Variants in PPME1 observed in about 807,000 individuals in gnomAD.
The protein encoded by PPME1 is protein phosphatase methylesterase 1, also known as testicular secretory protein Li 39.
In PPME1, 17 loss-of-function variants were observed where a neutral mutation model predicts 56.9. The observed-to-expected ratio is 0.30, with a 90% confidence interval of 0.20 to 0.45. The LOEUF (loss-of-function observed/expected upper bound fraction) is 0.45. PPME1 is among the 20% of genes least tolerant of loss of function. The pLI, the probability that PPME1 is intolerant of heterozygous loss-of-function variation, is 1.00. For missense variants in PPME1, 357 were observed against 483.2 expected (o/e 0.74, Z 2.45); for synonymous variants, 122 against 156.2 (o/e 0.78, Z 1.63).
chr11:74,203,428 G>T lies in PPME1; in HGVS notation c.102-300G>T, dbSNP rs138622667. ...CAGGTTTTGTGTGTATATGAACACA[G>T]AATTTATTTGTGATTAAAATATACT... On this transcript the variant is annotated intron_variant, in intron 1 of 13. Coordinates refer to ENST00000328257, the MANE Select transcript of PPME1 (RefSeq NM_016147.3). 2.0e-5 allele frequency among the ~76,000 whole-genome samples: 3 copies of T among 152,204 alleles called. No individual in the cohort carries two copies. The South Asian group carries it at 6.2e-4, about 32-fold the overall frequency.
chr11:74,185,650 CTTT>C (rs765518776), intron 1 of PPME1, among the ~76,000 whole-genome samples: 3 of 123,728 alleles, frequency 2.4e-5, no homozygotes, highest in African/African-American at 2.8e-5. Context: ...GTCATTATAT[CTTT>C]TTTTTTTTTT....
At chr11:74,195,118 C>T (rs1857946373) in intron 1 of PPME1, among the ~76,000 whole-genome samples, 1 of 152,132 alleles carries the variant, frequency 6.6e-6, no homozygotes, top group Non-Finnish European at 1.5e-5. Flanking sequence ...AATACTCATA[C>T]AGAAAAGTAA....
chr11:74,211,466 A>T (rs1223517109), intron 3 of PPME1, among the ~76,000 whole-genome samples: 3 of 152,224 alleles, frequency 2.0e-5, no homozygotes, highest in African/African-American at 7.2e-5. Flanking sequence ...AAAGGAATTT[A>T]ATACACAATG....
intron 12 of PPME1, chr11:74,251,444 A>G (rs78085477): frequency 0.017 from 23,569 of 1,417,708 alleles, 491 homozygotes; most frequent in African/African-American, 0.1. Context: ...CTTGAGCTCT[A>G]TGGAGCTATC....
chr11:74,204,470 G>A (rs1858272062), intron 3 of PPME1, 25 bp downstream of exon 3: 2 of 1,551,782 alleles, frequency 1.3e-6, no homozygotes, highest in Admixed American at 3.4e-5. Flanking sequence ...GATAGTACAA[G>A]TTAATGTTAG....
chr11:74,186,318 A>G (rs1249649035), intron 1 of PPME1, among the ~76,000 whole-genome samples: 1 of 152,136 alleles, frequency 6.6e-6, no homozygotes, highest in Non-Finnish European at 1.5e-5. Flanking sequence ...TCTTCTCCCA[A>G]TCATTACTAT....
At chr11:74,231,927 T>C (rs895293429) in intron 7 of PPME1, among the ~76,000 whole-genome samples, 7 of 152,248 alleles carry the variant, frequency 4.6e-5, no homozygotes, top group African/African-American at 1.7e-4. Flanking sequence ...TGATAAAGTA[T>C]TTATTAAACA....
At chr11:74,211,649 C>T (rs79717950) in intron 3 of PPME1, among the ~76,000 whole-genome samples, 7,215 of 151,840 alleles carry the variant, frequency 0.048, 264 homozygotes, top group African/African-American at 0.1. Context: ...GACAAAATAC[C>T]GTAAAGTTAA....
chr11:74,235,946 A>G lies in PPME1; in HGVS notation c.690A>G (p.Ser230=). The change falls in exon 8 of 14, where the codon TCA becomes TCG. Residue 230 remains serine, a synonymous_variant. Coordinates refer to ENST00000328257, the MANE Select transcript of PPME1 (RefSeq NM_016147.3). ...QIRNLESARV[S]MVGQVKQCEG... The stretch of plus-strand genomic sequence containing the variant: ...GAAATCTGGAGTCTGCCCGTGTCTC[A>G]ATGGTTGGCCAAGTCAAACAGTAGG... The G allele has an allele frequency of 1.2e-6, 2 of 1,612,790 alleles. No individual in the cohort carries two copies. Among genetic ancestry groups the G allele is most frequent in the Non-Finnish European group, 1.7e-6 (2 of 1,179,490 alleles).
chr11:74,225,678 C>G (rs1858916576), intron 5 of PPME1, among the ~76,000 whole-genome samples: 1 of 152,104 alleles, frequency 6.6e-6, no homozygotes, highest in Non-Finnish European at 1.5e-5. Context: ...AAGATGAGAT[C>G]ATGATATTAA....
Position 74,204,346 on chromosome 11 carries a change from T to G in PPME1, c.196-7T>G. The stretch of plus-strand genomic sequence containing the variant: ...AACATAGATGTTTTATCTTTAACTA[T>G]TCATACACTTTTCGAGTCTACAAGA... On this transcript the variant is annotated splice_region_variant and splice_polypyrimidine_tract_variant and intron_variant, in intron 2 of 13. Coordinates refer to ENST00000328257, the MANE Select transcript of PPME1 (RefSeq NM_016147.3). 6.2e-7 allele frequency: 1 copy of G among 1,601,346 alleles called. No individual in the cohort carries two copies. Among genetic ancestry groups the G allele is most frequent in the Non-Finnish European group, 8.6e-7 (1 of 1,169,176 alleles).
In PPME1 at chr11:74,175,488, C is replaced by T. The variant is rs569887556; in HGVS notation, c.101+3966C>T. Among the ~76,000 whole-genome samples the T allele has an allele frequency of 4.0e-5, 6 of 151,364 alleles. No homozygotes were observed. In the East Asian group the frequency reaches 5.8e-4, roughly 15 times the overall value. On this transcript the variant is annotated intron_variant, in intron 1 of 13. Transcript: ENST00000328257. The stretch of plus-strand genomic sequence containing the variant: ...TGCACTCCAGCCAGGGCAACAAGAG[C>T]GAAACTCCATCTCAAAAAAAAAAAA...
chr11:74,224,990 A>G (rs1007125208), intron 4 of PPME1, among the ~76,000 whole-genome samples: 1 of 152,118 alleles, frequency 6.6e-6, no homozygotes, highest in African/African-American at 2.4e-5. Context: ...ATGCTGATGT[A>G]TAAGGAATGT....
intron 4 of PPME1, chr11:74,222,593 A>G (rs113592485): frequency 1.5e-5 from 7 of 469,896 alleles, no homozygotes; most frequent in African/African-American, 1.0e-4. Context: ...GGTTCAAGCA[A>G]TTATCCTGCC....
intron 1 of PPME1, among the ~76,000 whole-genome samples, chr11:74,175,493 C>G (rs1857380611): frequency 6.6e-6 from 1 of 151,506 alleles, no homozygotes; most frequent in African/African-American, 2.4e-5. Context: ...AAGAGCGAAA[C>G]TCCATCTCAA....
At chr11:74,229,895 G>C (rs946673191) in intron 5 of PPME1, among the ~76,000 whole-genome samples, 2 of 152,168 alleles carry the variant, frequency 1.3e-5, no homozygotes, top group Admixed American at 1.3e-4. Context: ...AATTGAAACA[G>C]AGCAGTTAAA....
chr11:74,171,452 G>A lies in PPME1; in HGVS notation c.31G>A (p.Gly11Ser). 1.2e-6 allele frequency: 2 copies of A among 1,612,956 alleles called. No homozygotes were observed. Among genetic ancestry groups the A allele is most frequent in the East Asian group, 2.2e-5 (1 of 44,838 alleles). ...GGCCCTCGAAAAGAGCATGCACCTC[G>A]GCCGCCTTCCCTCTCGCCCACCTCT... Reference protein sequence around the residue: MSALEKSMHLGRLPSRPPLPG... With the variant: MSALEKSMHLSRLPSRPPLPG... Residue 11 changes from glycine to serine, a missense_variant, in exon 1 of 14, where the codon GGC becomes AGC. Physicochemically the swap from Gly to Ser is moderately conservative, Grantham distance 56. This residue lies in a region of PPME1 where 175 missense variants were observed against 189.4 expected (regional missense o/e 0.92). Transcript: ENST00000328257.
Position 74,204,424 on chromosome 11 carries a change from C to T in PPME1, c.267C>T (p.Ala89=), listed in dbSNP as rs760011068. The T allele has an allele frequency of 6.2e-7, 1 of 1,612,922 alleles. No individual in the cohort carries two copies. The highest frequency in any genetic ancestry group is 8.5e-7 in the Non-Finnish European group (1 of 1,179,224). ...LLLLHGGGHS[A]LSWAVFTAAI... ...TTCTGCATGGAGGAGGTCATTCTGC[C>T]CTTTCTTGGGCTGTGTTCACGGTAA... The change falls in exon 3 of 14, where the codon GCC becomes GCT. Residue 89 remains alanine, a synonymous_variant. Coordinates refer to ENST00000328257, the MANE Select transcript of PPME1 (RefSeq NM_016147.3).
intron 3 of PPME1, among the ~76,000 whole-genome samples, chr11:74,221,588 T>C (rs936881555): frequency 2.6e-5 from 4 of 152,180 alleles, no homozygotes; most frequent in Non-Finnish European, 5.9e-5. Flanking sequence ...TTCTCATTCA[T>C]AAAATGTGAC....
Sources: allele counts gnomAD v4.1 joint callset (sites outside exome capture counted in the v4.1 genomes callset), GRCh38; gene constraint gnomAD v4.1.1; regional missense constraint gnomAD v4.1.1; transcripts MANE v1.5; gene names NCBI Gene and HGNC (gene_info 2026-07-23, HGNC 2026-07-21).